The following EPHA3 variants were observed in gnomAD, a reference collection of about 807,000 sequenced individuals.
The protein encoded by EPHA3 is EPH receptor A3, also known as ephrin type-A receptor 3.
Under a neutral mutation model 107.1 loss-of-function variants are expected in EPHA3, and 42 were observed. The observed-to-expected ratio is 0.39, with a 90% CI of 0.31 to 0.51. The LOEUF (loss-of-function observed/expected upper bound fraction) is 0.51, where lower values mean the gene tolerates loss of function less well. Ranked by LOEUF, EPHA3 falls within the 20% of genes least tolerant of loss-of-function variation. The pLI, the probability that EPHA3 is intolerant of heterozygous loss-of-function variation, is 0.78. For missense variants in EPHA3, 1,183 were observed against 1,211.2 expected, an observed-to-expected ratio of 0.98 and a Z score of 0.35; for synonymous variants, 461 against 424.8, an observed-to-expected ratio of 1.09 and a Z score of -1.05.
At chr3:89,354,803 A>G (rs1165271892) in intron 5 of EPHA3, among the ~76,000 whole-genome samples, 1 of 151,216 alleles carries the variant, frequency 6.6e-6, no homozygotes, top group Non-Finnish European at 1.5e-5. Context: ...TGTCTTGTCC[A>G]TGGCCGCACA....
intron 3 of EPHA3, among the ~76,000 whole-genome samples, chr3:89,275,898 T>C (rs1228071782): frequency 1.3e-5 from 2 of 152,048 alleles, no homozygotes; most frequent in African/African-American, 2.4e-5. Context: ...TTAAAGGGAA[T>C]GCAATGCAAT....
chr3:89,242,458 G>A (rs1013446585), intron 3 of EPHA3, among the ~76,000 whole-genome samples: 1 of 152,082 alleles, frequency 6.6e-6, no homozygotes, highest in Admixed American at 6.5e-5. Flanking sequence ...TGTTTTTTGA[G>A]ACGGAGTCTC....
intron 3 of EPHA3, among the ~76,000 whole-genome samples, chr3:89,278,695 A>G (rs1029285012): frequency 1.3e-5 from 2 of 152,224 alleles, no homozygotes; most frequent in Non-Finnish European, 2.9e-5. Context: ...TGCTATTTTC[A>G]GATCTTGATA....
chr3:89,294,571 T>C (rs186947143), intron 3 of EPHA3, among the ~76,000 whole-genome samples: 2 of 152,318 alleles, frequency 1.3e-5, no homozygotes, highest in Admixed American at 1.3e-4. Context: ...TGCTATCCTT[T>C]CTCAAGCTCA....
chr3:89,257,998 G>A lies in EPHA3; in HGVS notation c.814+47478G>A, dbSNP rs115543945. Among the ~76,000 whole-genome samples, 1,219 of 152,214 alleles carry A rather than the reference G, an allele frequency of 8.0e-3. 12 individuals carry two copies. Among genetic ancestry groups the A allele is most frequent in the African/African-American group, 0.023 (960 of 41,546 alleles). On this transcript the variant is annotated intron_variant, in intron 3 of 16. Coordinates refer to ENST00000336596, the MANE Select transcript of EPHA3 (RefSeq NM_005233.6). ...AAGAGAATAAACTATCTTTAAAAGC[G>A]AAAGATTTAATGAACACTAACCTAT...
intron 3 of EPHA3, among the ~76,000 whole-genome samples, chr3:89,294,036 A>T (rs1217332074): frequency 6.6e-6 from 1 of 152,232 alleles, no homozygotes; most frequent in Non-Finnish European, 1.5e-5. Flanking sequence ...ATCTAAAAAA[A>T]GATTCTTAGT....
At chr3:89,219,686 A>ATTTTTTTT (rs1704304456) in intron 3 of EPHA3, among the ~76,000 whole-genome samples, 2 of 38,854 alleles carry the variant, frequency 5.1e-5, no homozygotes, top group Non-Finnish European at 6.3e-5. Flanking sequence ...GCATTTGGCA[A>ATTTTTTTT]TGTTTTTTTT....
intron 3 of EPHA3, among the ~76,000 whole-genome samples, chr3:89,281,274 C>T (rs1156316118): frequency 1.3e-5 from 2 of 152,170 alleles, no homozygotes; most frequent in African/African-American, 2.4e-5. Flanking sequence ...AACCACCTGC[C>T]TTGGCCTCCT....
chr3:89,366,632 C>T (rs1257043102), intron 5 of EPHA3, among the ~76,000 whole-genome samples: 1 of 150,536 alleles, frequency 6.6e-6, no homozygotes, highest in South Asian at 2.1e-4. Flanking sequence ...AGGAAAAGAT[C>T]TTGAGAACAG....
chr3:89,298,141 G>A (rs527904257), intron 3 of EPHA3, among the ~76,000 whole-genome samples: 7 of 152,086 alleles, frequency 4.6e-5, no homozygotes, highest in Non-Finnish European at 1.0e-4. Flanking sequence ...TGTCATGTGC[G>A]AGCACCAAAT....
At chr3:89,337,702 G>A (rs974446153) in intron 3 of EPHA3, among the ~76,000 whole-genome samples, 1 of 152,152 alleles carries the variant, frequency 6.6e-6, no homozygotes, top group African/African-American at 2.4e-5. Flanking sequence ...CACACATACA[G>A]ATCAATGTGA....
chr3:89,315,800 A>G (rs1447620836), intron 3 of EPHA3, among the ~76,000 whole-genome samples: 2 of 152,018 alleles, frequency 1.3e-5, no homozygotes, highest in African/African-American at 4.8e-5. Flanking sequence ...ATGGTTTCAG[A>G]AAAGGGATTT....
chr3:89,399,964 GA>G, intron 7 of EPHA3: 5 of 1,046,896 alleles, frequency 4.8e-6, no homozygotes, highest in Non-Finnish European at 5.8e-6. Flanking sequence ...TTCACATTCA[GA>G]AGTAATTTGA....
chr3:89,298,195 G>A (rs1706405217), intron 3 of EPHA3, among the ~76,000 whole-genome samples: 1 of 152,100 alleles, frequency 6.6e-6, no homozygotes, highest in South Asian at 2.1e-4. Context: ...CCTGACCTCA[G>A]GAGATTTGGT....
At chr3:89,292,013 C>G (rs1706218339) in intron 3 of EPHA3, among the ~76,000 whole-genome samples, 1 of 152,090 alleles carries the variant, frequency 6.6e-6, no homozygotes, top group Non-Finnish European at 1.5e-5. Context: ...CCCAATGAAA[C>G]TTTAGTCTCT....
chr3:89,225,349 G>A (rs1190941773), intron 3 of EPHA3, among the ~76,000 whole-genome samples: 3 of 152,014 alleles, frequency 2.0e-5, no homozygotes, highest in East Asian at 1.9e-4. Context: ...TGGTGTGTTC[G>A]AAACAATTTT....
intron 2 of EPHA3, among the ~76,000 whole-genome samples, chr3:89,158,065 C>A (rs1704845362): frequency 6.6e-6 from 1 of 151,998 alleles, no homozygotes; most frequent in Admixed American, 6.6e-5. Context: ...TCTATGTATA[C>A]CATTGCTTCA....
intron 3 of EPHA3, among the ~76,000 whole-genome samples, chr3:89,227,803 A>G (rs939688383): frequency 3.9e-5 from 6 of 151,970 alleles, no homozygotes; most frequent in Non-Finnish European, 7.4e-5. Context: ...TGGGCAGTTT[A>G]TTTGTAACGT....
intron 2 of EPHA3, among the ~76,000 whole-genome samples, chr3:89,141,057 C>T (rs1452158630): frequency 6.6e-6 from 1 of 151,550 alleles, no homozygotes; most frequent in Non-Finnish European, 1.5e-5. Context: ...ATTCACAAAT[C>T]TAGTAAGTAA....
Sources: allele counts gnomAD v4.1 joint callset (sites outside exome capture counted in the v4.1 genomes callset), GRCh38; gene constraint gnomAD v4.1.1; transcripts MANE v1.5; gene names NCBI Gene and HGNC (gene_info 2026-07-23, HGNC 2026-07-21).